ADAMTS17: variants seen among roughly 807,000 people sequenced by gnomAD.
ADAMTS17 encodes the protein ADAM metallopeptidase with thrombospondin type 1 motif 17.
Under a neutral mutation model 141.5 loss-of-function variants are expected in ADAMTS17, and 113 were observed. That is an observed-to-expected ratio of 0.80 (90% CI 0.69 to 0.93). The LOEUF (loss-of-function observed/expected upper bound fraction) is 0.93, where lower values mean the gene tolerates loss of function less well. Ranked by LOEUF, ADAMTS17 falls within the 40% of genes least tolerant of loss-of-function variation. The probability of loss-of-function intolerance (pLI) is 0.00; values close to 1 mark genes in which losing one functional copy is unlikely to be tolerated. For synonymous variants in ADAMTS17, 768 were observed against 630.6 expected (o/e 1.22, Z -3.27); for missense variants, 1,659 against 1,517.9 (o/e 1.09, Z -1.54).
chr15:100,263,643 GT>G (rs1440309448), intron 4 of ADAMTS17, among the ~76,000 whole-genome samples: 1 of 152,226 alleles, frequency 6.6e-6, no homozygotes, highest in African/African-American at 2.4e-5. Flanking sequence ...ACTCTGCCGA[GT>G]TCCTTTGCCA....
intron 7 of ADAMTS17, among the ~76,000 whole-genome samples, chr15:100,240,810 TG>T (rs1187593355): frequency 6.6e-6 from 1 of 152,194 alleles, no homozygotes; most frequent in Non-Finnish European, 1.5e-5. Context: ...AACTTCTGTT[TG>T]TTTTTCTCTT....
chr15:100,227,382 C>A (rs1302602255), intron 7 of ADAMTS17, among the ~76,000 whole-genome samples: 3 of 152,212 alleles, frequency 2.0e-5, no homozygotes, highest in Non-Finnish European at 4.4e-5. Context: ...ATTCCACCTC[C>A]AATTCATTAC....
chr15:100,267,132 A>C (rs1221021488), intron 4 of ADAMTS17, among the ~76,000 whole-genome samples: 1 of 152,058 alleles, frequency 6.6e-6, no homozygotes, highest in Non-Finnish European at 1.5e-5. Flanking sequence ...CCGAAGCTCT[A>C]TACTCATGAA....
rs899946002 is a variant in ADAMTS17, at chr15:100,134,683, G to C, written c.1474-1368C>G. Among the ~76,000 whole-genome samples the C allele has an allele frequency of 5.3e-5, 8 of 152,306 alleles. No homozygotes were observed. In the South Asian group the frequency reaches 1.7e-3, roughly 32 times the overall value. On this transcript the variant is annotated intron_variant, in intron 10 of 21. Coordinates refer to ENST00000268070, the MANE Select transcript of ADAMTS17 (RefSeq NM_139057.4). ...TCAAACAGTTTTTAGAAGTTGAAGG[G>C]ATAAAAATAAGAGAAAGGGAAGGAA... is the stretch of plus-strand genomic sequence containing the variant.
rs545237853 is a variant in ADAMTS17 at position 99,989,980 on chromosome 15, G to A, written c.2949+3068C>T. ...GATAAAGAGAGGTTAAGGCACACAAGTAGAGAGTCAGAGCTGTAAATCAGC... is the reference window on the plus strand; with the variant it reads ...GATAAAGAGAGGTTAAGGCACACAAATAGAGAGTCAGAGCTGTAAATCAGC... On this transcript the variant is annotated intron_variant, in intron 20 of 21. Coordinates refer to ENST00000268070, the MANE Select transcript of ADAMTS17 (RefSeq NM_139057.4). Among the ~76,000 whole-genome samples, 5 of 152,342 alleles carry A rather than the reference G, an allele frequency of 3.3e-5. No individual in the cohort carries two copies. In the East Asian group the frequency reaches 9.7e-4, roughly 29 times the overall value.
chr15:100,002,450 C>T (rs1015933632), intron 18 of ADAMTS17, among the ~76,000 whole-genome samples: 9 of 151,920 alleles, frequency 5.9e-5, no homozygotes, highest in East Asian at 1.9e-4. Context: ...CTCTAGTGGA[C>T]GTGAGCAGCG....
intron 7 of ADAMTS17, among the ~76,000 whole-genome samples, chr15:100,234,788 C>T (rs558978353): frequency 6.6e-6 from 1 of 152,366 alleles, no homozygotes; most frequent in Admixed American, 6.5e-5. Context: ...ATTCCATCAG[C>T]AGCTGAGCCA....
chr15:99,982,891 C>CA (rs2141290909), intron 20 of ADAMTS17, among the ~76,000 whole-genome samples: 1 of 152,304 alleles, frequency 6.6e-6, no homozygotes, highest in Admixed American at 6.5e-5. Context: ...TGCATCTGTC[C>CA]ACCACCCTTC....
chr15:100,029,223 A>G (rs1369763393), intron 18 of ADAMTS17, among the ~76,000 whole-genome samples: 1 of 152,176 alleles, frequency 6.6e-6, no homozygotes, highest in Non-Finnish European at 1.5e-5. Flanking sequence ...GCTGAGCTGT[A>G]TTGACTTTCT....
At chr15:100,213,625 G>T (rs929966041) in intron 7 of ADAMTS17, among the ~76,000 whole-genome samples, 6 of 152,210 alleles carry the variant, frequency 3.9e-5, no homozygotes, top group Non-Finnish European at 8.8e-5. Flanking sequence ...CAAGGCAGGA[G>T]AATCATTTTA....
chr15:100,322,810 A>G (rs2045770668), intron 3 of ADAMTS17, among the ~76,000 whole-genome samples: 1 of 152,204 alleles, frequency 6.6e-6, no homozygotes, highest in South Asian at 2.1e-4. Context: ...TAAATTGGCC[A>G]GGCGTGGTGG....
chr15:100,205,911 C>A (rs1377038691), intron 7 of ADAMTS17, among the ~76,000 whole-genome samples: 1 of 152,184 alleles, frequency 6.6e-6, no homozygotes, highest in Non-Finnish European at 1.5e-5. Flanking sequence ...AGGGACCGAG[C>A]CCAGGTCTGG....
Position 100,337,346 on chromosome 15 carries a change from AGAGT to A in ADAMTS17, c.450+3689_450+3692del, listed in dbSNP as rs368716887. 7.2e-5 allele frequency among the ~76,000 whole-genome samples: 11 copies of A among 152,374 alleles called. No homozygotes were observed. In the South Asian group the frequency reaches 2.3e-3, roughly 32 times the overall value. ...TGGTCTGCAGTCAGGCTGACCAGTC[AGAGT>A]GAGGTGGGCTGGGCCACCAGACTGA... On this transcript the variant is annotated intron_variant, in intron 2 of 21. Transcript: ENST00000268070.
At chr15:100,067,721 T>C (rs2141698405) in intron 15 of ADAMTS17, among the ~76,000 whole-genome samples, 1 of 152,262 alleles carries the variant, frequency 6.6e-6, no homozygotes, top group South Asian at 2.1e-4. Context: ...TTTCCTACCT[T>C]TTATCTTTTA....
intron 3 of ADAMTS17, among the ~76,000 whole-genome samples, chr15:100,289,367 C>G (rs928990003): frequency 5.3e-5 from 8 of 152,036 alleles, no homozygotes; most frequent in Non-Finnish European, 1.2e-4. Flanking sequence ...CAGAAAAAGC[C>G]CAGGACCAGA....
intron 17 of ADAMTS17, among the ~76,000 whole-genome samples, 199 bp from the exon 18 acceptor site, chr15:100,049,191 G>A (rs902182463): frequency 6.6e-5 from 10 of 152,226 alleles, no homozygotes; most frequent in Admixed American, 2.6e-4. Context: ...ACAGAAGGCA[G>A]AGTGGGGCCC....
At chr15:99,981,720 GTCA>G (rs2060485849) in intron 20 of ADAMTS17, among the ~76,000 whole-genome samples, 2 of 152,182 alleles carry the variant, frequency 1.3e-5, no homozygotes, top group African/African-American at 4.8e-5. Flanking sequence ...AATTTACCAT[GTCA>G]TCATATGGTT....
chr15:100,222,879 C>T (rs1274330278), intron 7 of ADAMTS17, among the ~76,000 whole-genome samples: 1 of 152,228 alleles, frequency 6.6e-6, no homozygotes, highest in Non-Finnish European at 1.5e-5. Flanking sequence ...GAGGCAGGCA[C>T]CCTTCCAATG....
intron 8 of ADAMTS17, among the ~76,000 whole-genome samples, chr15:100,167,285 T>C (rs1388345303): frequency 2.0e-5 from 3 of 152,182 alleles, no homozygotes; most frequent in Non-Finnish European, 2.9e-5. Context: ...CCCAATCTCA[T>C]AACACAGCTG....
Sources: gnomAD v4.1 joint callset for allele counts (sites outside exome capture counted in the v4.1 genomes callset) on GRCh38, gnomAD v4.1.1 for gene constraint, MANE v1.5 for transcripts, NCBI Gene and HGNC (gene_info 2026-07-23, HGNC 2026-07-21) for gene names.